The following SP140L variants were observed in gnomAD, a reference collection of about 807,000 sequenced individuals.
The protein encoded by SP140L is SP140 like nuclear body protein.
Under a neutral mutation model 84.3 loss-of-function variants are expected in SP140L, and 64 were observed. The ratio of observed to expected loss-of-function variants is 0.76; its 90% CI spans 0.62 to 0.94. SP140L has a LOEUF of 0.94. Ranked by LOEUF, SP140L falls within the 40% of genes least tolerant of loss-of-function variation. SP140L has a pLI of 0.00. For missense variants in SP140L, 628 were observed against 692.5 expected, an observed-to-expected ratio of 0.91 and a Z score of 1.05; for synonymous variants, 242 against 236.9, an observed-to-expected ratio of 1.02 and a Z score of -0.20.
chr2:230,366,632 TTAATA>T (rs2060877707), intron 5 of SP140L, among the ~76,000 whole-genome samples: 1 of 151,294 alleles, frequency 6.6e-6, no homozygotes, highest in African/African-American at 2.4e-5. Context: ...CTATTTATAC[TTAATA>T]TAATTATTGC....
At chr2:230,334,593 A>C (rs1478239063) in intron 2 of SP140L, among the ~76,000 whole-genome samples, 1 of 152,072 alleles carries the variant, frequency 6.6e-6, no homozygotes, top group African/African-American at 2.4e-5. Context: ...ATTTACATGT[A>C]TTTTATTGTG....
intron 7 of SP140L, among the ~76,000 whole-genome samples, chr2:230,381,183 A>C (rs1157669349): frequency 6.6e-6 from 1 of 152,092 alleles, no homozygotes; most frequent in Non-Finnish European, 1.5e-5. Flanking sequence ...CTTACCTCCG[A>C]GGGAGATATT....
chr2:230,389,037 C>A (rs1162840023), intron 10 of SP140L, among the ~76,000 whole-genome samples: 1 of 152,176 alleles, frequency 6.6e-6, no homozygotes, highest in African/African-American at 2.4e-5. Flanking sequence ...GGCTTTTTGG[C>A]TTTTTAAAAA....
At chr2:230,383,607 T>C in intron 8 of SP140L, 32 bp downstream of exon 8, 1 of 1,580,282 alleles carries the variant, frequency 6.3e-7, no homozygotes, top group Non-Finnish European at 8.6e-7. Context: ...GTTACAGCTT[T>C]TGAGTTTATT....
intron 11 of SP140L, chr2:230,391,871 G>A (rs2061821585): frequency 1.8e-6 from 1 of 542,118 alleles, no homozygotes; most frequent in Non-Finnish European, 3.2e-6. Flanking sequence ...CCTCATGGGT[G>A]AAGGTCAAAG....
chr2:230,393,899 C>T (rs2061935636), intron 13 of SP140L, among the ~76,000 whole-genome samples: 2 of 152,152 alleles, frequency 1.3e-5, no homozygotes, highest in Non-Finnish European at 2.9e-5. Flanking sequence ...CAAACGTCTC[C>T]TCACAGTCAC....
rs764051675 is a variant in SP140L at position 230,328,760 on chromosome 2, G to T, written c.36G>T (p.Gly12=). The T allele has an allele frequency of 4.8e-5, 77 of 1,612,028 alleles. 1 individual carries two copies. In the Middle Eastern group the frequency reaches 9.9e-4, roughly 21 times the overall value. ...AGGGSDLSTR[G]LNGGVSQVAN... ...TCCTGCCAAATTGTCTTTTTAGGGGGCTGAACGGAGGTGTTTCACAAGTAG... is the reference window on the plus strand; with the variant it reads ...TCCTGCCAAATTGTCTTTTTAGGGGTCTGAACGGAGGTGTTTCACAAGTAG... The change falls in exon 2 of 19, where the codon GGG becomes GGT. Residue 12 remains glycine, a synonymous_variant. Coordinates refer to ENST00000415673, the MANE Select transcript of SP140L (RefSeq NM_138402.6).
At chr2:230,380,051 C>G (rs1357467050) in intron 7 of SP140L, among the ~76,000 whole-genome samples, 2 of 152,130 alleles carry the variant, frequency 1.3e-5, no homozygotes, top group African/African-American at 4.8e-5. Context: ...ATACCCAAGA[C>G]TGGGTAATTT....
intron 2 of SP140L, among the ~76,000 whole-genome samples, chr2:230,347,012 A>G (rs1047975628): frequency 5.3e-5 from 8 of 152,098 alleles, no homozygotes; most frequent in African/African-American, 1.9e-4. Context: ...TCCAACCTTT[A>G]TAGGTTTGCT....
At chr2:230,349,651 TAA>T (rs563065983) in intron 2 of SP140L, among the ~76,000 whole-genome samples, 317 of 152,302 alleles carry the variant, frequency 2.1e-3, no homozygotes, top group Non-Finnish European at 3.9e-3. Flanking sequence ...TTTACATTTC[TAA>T]GTTTACTAGT....
intron 2 of SP140L, among the ~76,000 whole-genome samples, chr2:230,332,102 G>C (rs1174746710): frequency 6.6e-6 from 1 of 152,124 alleles, no homozygotes; most frequent in Non-Finnish European, 1.5e-5. Context: ...CTTTTATCAA[G>C]ATAAGGACAT....
rs11692506 is a variant in SP140L, at chr2:230,403,210, G to A, written c.*314G>A. 56,375 of 205,888 alleles carry A rather than the reference G, an allele frequency of 0.27. 7,820 individuals carry two copies. Among genetic ancestry groups the A allele is most frequent in the Non-Finnish European group, 0.31 (32,660 of 105,578 alleles). The allele number at this position is 205,888 out of a possible 1,614,324, so 12.8% of individuals were successfully genotyped here. A position where few individuals can be genotyped will look rare whatever the true frequency, so the allele number is the denominator to read the frequency against. ...ATTACTCACAAGACCTTTTTCCTCC[G>A]TTTTTTTTTTGAGATGGAGTCTCAC... is the stretch of plus-strand genomic sequence containing the variant. On this transcript the variant is annotated 3_prime_UTR_variant, in exon 19 of 19. Coordinates refer to ENST00000415673, the MANE Select transcript of SP140L (RefSeq NM_138402.6).
intron 5 of SP140L, among the ~76,000 whole-genome samples, chr2:230,370,614 T>C (rs556918714): frequency 6.6e-6 from 1 of 152,160 alleles, no homozygotes; most frequent in South Asian, 2.1e-4. Flanking sequence ...TAGCTTGCTA[T>C]GATGTGATGT....
At chr2:230,387,038 CT>C (rs1258299550) in intron 9 of SP140L, among the ~76,000 whole-genome samples, 3 of 152,292 alleles carry the variant, frequency 2.0e-5, no homozygotes, top group Admixed American at 6.5e-5. Flanking sequence ...CCAGAGTCCA[CT>C]TGGCATCTTG....
At chr2:230,377,684 A>G (rs2061287254) in intron 7 of SP140L, among the ~76,000 whole-genome samples, 1 of 152,170 alleles carries the variant, frequency 6.6e-6, no homozygotes, top group Non-Finnish European at 1.5e-5. Flanking sequence ...TCATATGAAC[A>G]TACATGTATG....
chr2:230,348,605 C>T (rs931545612), intron 2 of SP140L, among the ~76,000 whole-genome samples: 5 of 152,132 alleles, frequency 3.3e-5, no homozygotes, highest in South Asian at 2.1e-4. Context: ...TCTTTACATA[C>T]CTGAATATAA....
intron 2 of SP140L, among the ~76,000 whole-genome samples, chr2:230,346,617 G>T (rs568993630): frequency 5.9e-5 from 9 of 151,982 alleles, no homozygotes; most frequent in Non-Finnish European, 1.3e-4. Context: ...AATTTCAAAT[G>T]ACTTCTCTTT....
chr2:230,362,019 A>G (rs910172414), intron 5 of SP140L, among the ~76,000 whole-genome samples: 2 of 152,222 alleles, frequency 1.3e-5, no homozygotes, highest in African/African-American at 4.8e-5. Flanking sequence ...TGAAGCTGTG[A>G]AGTGTTAAGA....
intron 2 of SP140L, among the ~76,000 whole-genome samples, chr2:230,337,810 C>T (rs150265615): frequency 0.074 from 11,164 of 151,844 alleles, 671 homozygotes; most frequent in South Asian, 0.2. Context: ...GTTGTAGATA[C>T]GCAGCGTTAT....
Sources: allele counts gnomAD v4.1 joint callset (sites outside exome capture counted in the v4.1 genomes callset), GRCh38; gene constraint gnomAD v4.1.1; transcripts MANE v1.5; gene names NCBI Gene and HGNC (gene_info 2026-07-23, HGNC 2026-07-21).